Variants in LDB2 observed in about 807,000 individuals in gnomAD.
LDB2 encodes LIM domain-binding protein 2.
Under a neutral mutation model 44.3 loss-of-function variants are expected in LDB2, and 12 were observed. The ratio of observed to expected loss-of-function variants is 0.27; its 90% confidence interval spans 0.17 to 0.44. The LOEUF is 0.44. LDB2 is among the 20% of genes least tolerant of loss of function. LDB2 has a pLI of 1.00. For missense variants in LDB2, 344 were observed against 473.5 expected (o/e 0.73, Z 2.54); for synonymous variants, 164 against 174.8 (o/e 0.94, Z 0.49).
At chr4:16,541,514 G>C (rs963727711) in intron 5 of LDB2, among the ~76,000 whole-genome samples, 1 of 152,134 alleles carries the variant, frequency 6.6e-6, no homozygotes, top group African/African-American at 2.4e-5. Context: ...TCTTAATAGC[G>C]ATGCAAGAAT....
chr4:16,793,533 G>A (rs1014424611), intron 1 of LDB2, among the ~76,000 whole-genome samples: 1 of 152,090 alleles, frequency 6.6e-6, no homozygotes. Flanking sequence ...CCCAAGATGT[G>A]TTTTTTCTCA....
chr4:16,623,045 C>T (rs1215739118), intron 2 of LDB2, among the ~76,000 whole-genome samples: 4 of 152,158 alleles, frequency 2.6e-5, no homozygotes, highest in Non-Finnish European at 5.9e-5. Context: ...AGAATGCATG[C>T]TTCAAGAGGG....
chr4:16,785,993 G>A (rs1167433867), intron 1 of LDB2, among the ~76,000 whole-genome samples: 1 of 152,166 alleles, frequency 6.6e-6, no homozygotes, highest in African/African-American at 2.4e-5. Flanking sequence ...TCTGCCTGCT[G>A]CTAAGGGACT....
intron 3 of LDB2, among the ~76,000 whole-genome samples, chr4:16,589,309 C>T (rs1290236505): frequency 1.3e-5 from 2 of 152,060 alleles, no homozygotes; most frequent in African/African-American, 2.4e-5. Flanking sequence ...GTTTTTATTT[C>T]CAAAACGAAA....
chr4:16,558,132 A>G (rs1432806221), intron 5 of LDB2, among the ~76,000 whole-genome samples: 2 of 152,154 alleles, frequency 1.3e-5, no homozygotes, highest in Non-Finnish European at 2.9e-5. Context: ...AGAGCAGAAA[A>G]ACTGGAAACT....
chr4:16,780,636 T>G (rs150353732), intron 1 of LDB2, among the ~76,000 whole-genome samples: 1 of 152,066 alleles, frequency 6.6e-6, no homozygotes, highest in Admixed American at 6.6e-5. Context: ...TCAGTGGAAA[T>G]GACAGCCTTT....
chr4:16,767,957 A>G (rs2109313242), intron 1 of LDB2, among the ~76,000 whole-genome samples: 1 of 152,116 alleles, frequency 6.6e-6, no homozygotes, highest in East Asian at 1.9e-4. Context: ...TCCATCCTAG[A>G]TTCTCTCCTG....
intron 1 of LDB2, among the ~76,000 whole-genome samples, chr4:16,807,979 C>A (rs760105492): frequency 2.0e-5 from 3 of 151,964 alleles, no homozygotes; most frequent in African/African-American, 7.3e-5. Flanking sequence ...TAGGCTTTCC[C>A]CAAAGAATTT....
At chr4:16,771,554 C>A (rs1770697169) in intron 1 of LDB2, among the ~76,000 whole-genome samples, 1 of 152,138 alleles carries the variant, frequency 6.6e-6, no homozygotes, top group South Asian at 2.1e-4. Flanking sequence ...CAACTCCATC[C>A]CCTACAAGCC....
In LDB2 at chr4:16,532,401, A is replaced by G. The variant is rs569196766; in HGVS notation, c.616-20297T>C. Among the ~76,000 whole-genome samples, 12 of 152,344 alleles carry G rather than the reference A, an allele frequency of 7.9e-5. No homozygotes were observed. The South Asian group carries it at 1.7e-3, about 21-fold the overall frequency. The stretch of plus-strand genomic sequence containing the variant: ...AGCCATTGCGCATGGTGATATGCCA[A>G]TGCAAAAGCTAGCTTGGCCTTTAAC... On this transcript the variant is annotated intron_variant, in intron 5 of 7. Coordinates refer to ENST00000304523, the MANE Select transcript of LDB2 (RefSeq NM_001290.5).
intron 5 of LDB2, among the ~76,000 whole-genome samples, chr4:16,545,293 C>T (rs1735362422): frequency 6.6e-6 from 1 of 151,788 alleles, no homozygotes; most frequent in Non-Finnish European, 1.5e-5. Flanking sequence ...TTCTGGTGCT[C>T]TTCACAGAAT....
intron 3 of LDB2, among the ~76,000 whole-genome samples, chr4:16,591,065 G>A (rs912204584): frequency 5.9e-5 from 9 of 152,154 alleles, no homozygotes; most frequent in South Asian, 2.1e-4. Flanking sequence ...ACAAAAACAC[G>A]ACAGGGATTT....
intron 4 of LDB2, among the ~76,000 whole-genome samples, chr4:16,588,214 C>A (rs77823555): frequency 0.022 from 3,296 of 152,160 alleles, 59 homozygotes; most frequent in Non-Finnish European, 0.034. Context: ...CAAGAGAAGC[C>A]CAAATATTCC....
intron 2 of LDB2, among the ~76,000 whole-genome samples, chr4:16,634,423 C>T (rs1246844711): frequency 1.3e-5 from 2 of 151,354 alleles, no homozygotes; most frequent in South Asian, 2.1e-4. Flanking sequence ...CCAGAGTCTA[C>T]AAAGAACTTA....
chr4:16,861,267 A>G (rs530438851), intron 1 of LDB2, among the ~76,000 whole-genome samples: 190 of 152,212 alleles, frequency 1.2e-3, no homozygotes, highest in Non-Finnish European at 2.2e-3. Flanking sequence ...GCCCTGAATC[A>G]CTGCAGGTCA....
At position 16,821,746 on chromosome 4, in the gene LDB2, C is replaced by CAAAAAAAAAAAAAAAAAAAAA. The variant is rs562184189; in HGVS notation, c.133-62507_133-62487dup. On this transcript the variant is annotated intron_variant, in intron 1 of 7. Coordinates refer to ENST00000304523, the MANE Select transcript of LDB2 (RefSeq NM_001290.5). ...AATGGAAACCATTCCAACATTAAAG[C>CAAAAAAAAAAAAAAAAAAAAA]AAAAAAAAAAAAAAAAAAAAAAAAT... Among the ~76,000 whole-genome samples, 75 of 61,730 alleles carry CAAAAAAAAAAAAAAAAAAAAA rather than the reference C, an allele frequency of 1.2e-3. 8 individuals carry two copies. The highest frequency in any genetic ancestry group is 3.2e-3 in the Admixed American group (12 of 3,750). The allele number at this position is 61,730 out of a possible 152,430, so 40.5% of individuals were successfully genotyped here.
chr4:16,671,257 C>T (rs1744695057), intron 2 of LDB2, among the ~76,000 whole-genome samples: 1 of 152,090 alleles, frequency 6.6e-6, no homozygotes, highest in Admixed American at 6.6e-5. Context: ...CAAGTGTATC[C>T]TGGAAGAATA....
At chr4:16,503,172 T>C in intron 7 of LDB2, 1 of 1,533,326 alleles carries the variant, frequency 6.5e-7, no homozygotes, top group Non-Finnish European at 8.7e-7. Context: ...ATTAAAAAAA[T>C]CCATGCTTTC....
At position 16,512,019 on chromosome 4, in the gene LDB2, C is replaced by A; in HGVS notation, c.701G>T (p.Cys234Phe). 1 of 1,613,580 alleles carries A rather than the reference C, an allele frequency of 6.2e-7. No homozygotes were observed. The highest frequency in any genetic ancestry group is 8.5e-7 in the Non-Finnish European group (1 of 1,179,706). ...CATCCTCTGCCACTTCTGAAACAAGCAGGTCTTCAGGCAGTCTCGGGGACT... is the reference window on the plus strand; with the variant it reads ...CATCCTCTGCCACTTCTGAAACAAGAAGGTCTTCAGGCAGTCTCGGGGACT... ...NLSPRDCLKT[C>F]LFQKWQRMVA... The change falls in exon 6 of 8, where the codon TGC becomes TTC. Residue 234 changes from cysteine (C) to phenylalanine (F), a missense_variant. This residue lies in a region of LDB2 where 86 missense variants were observed against 171.2 expected (regional missense o/e 0.50). Transcript: ENST00000304523.
Sources: gnomAD v4.1 joint callset for allele counts (sites outside exome capture counted in the v4.1 genomes callset) on GRCh38, gnomAD v4.1.1 for gene constraint, gnomAD v4.1.1 regional missense constraint, MANE v1.5 for transcripts, NCBI Gene and HGNC (gene_info 2026-07-23, HGNC 2026-07-21) for gene names.